The following USH2A variants were observed in gnomAD, a reference collection of about 807,000 sequenced individuals.
USH2A encodes Usher syndrome 2A (autosomal recessive, mild).
USH2A carries 443 observed loss-of-function variants against 538.9 expected under a neutral mutation model. The ratio of observed to expected loss-of-function variants is 0.82; its 90% CI spans 0.76 to 0.89. The LOEUF (loss-of-function observed/expected upper bound fraction) is 0.89, where lower values mean the gene tolerates loss of function less well. Ranked by LOEUF, USH2A falls within the 40% of genes least tolerant of loss-of-function variation. The pLI is 0.00. For missense variants in USH2A, 6,633 were observed against 6,324.8 expected (o/e 1.05, Z -1.65); for synonymous variants, 2,413 against 2,273.5 (o/e 1.06, Z -1.75).
intron 4 of USH2A, among the ~76,000 whole-genome samples, chr1:216,360,984 C>G (rs556220998): frequency 2.0e-5 from 3 of 152,046 alleles, no homozygotes; most frequent in South Asian, 4.1e-4. Context: ...AGTTGGAGAA[C>G]TACTAGATAT....
At chr1:216,296,357 G>C (rs1558371478) in intron 9 of USH2A, among the ~76,000 whole-genome samples, 1 of 151,940 alleles carries the variant, frequency 6.6e-6, no homozygotes, top group Admixed American at 6.6e-5. Flanking sequence ...TTTAGGCTAA[G>C]GTAGTTGTCC....
At chr1:215,728,897 G>A (rs12406638) in intron 60 of USH2A, among the ~76,000 whole-genome samples, 95,282 of 151,982 alleles carry the variant, frequency 0.63, 32,697 homozygotes, top group Non-Finnish European at 0.78. Context: ...AGTTATATCG[G>A]GGTTTTATTT....
At chr1:216,230,437 G>A (rs1475026759) in intron 14 of USH2A, among the ~76,000 whole-genome samples, 3 of 152,000 alleles carry the variant, frequency 2.0e-5, no homozygotes, top group African/African-American at 4.8e-5. Context: ...ACATTTCTAC[G>A]GTGATAGAAG....
chr1:216,246,470 A>G (rs1558341311), intron 13 of USH2A, 115 bp downstream of exon 13: 5 of 1,318,868 alleles, frequency 3.8e-6, no homozygotes, highest in Non-Finnish European at 5.4e-6. Flanking sequence ...TAAATACAGT[A>G]ATGATTTTGG....
At chr1:215,944,012 A>T (rs1666700421) in intron 37 of USH2A, among the ~76,000 whole-genome samples, 1 of 152,152 alleles carries the variant, frequency 6.6e-6, no homozygotes, top group Non-Finnish European at 1.5e-5. Context: ...TATTACATAG[A>T]TTTTTAAATT....
chr1:215,981,009 C>T (rs12131006), intron 35 of USH2A, among the ~76,000 whole-genome samples: 2,819 of 152,218 alleles, frequency 0.019, 41 homozygotes, highest in Non-Finnish European at 0.028. Context: ...CTAGACAATG[C>T]TCATCTCTTT....
intron 71 of USH2A, among the ~76,000 whole-genome samples, chr1:215,627,948 C>T (rs933263708): frequency 6.6e-6 from 1 of 152,096 alleles, no homozygotes; most frequent in Non-Finnish European, 1.5e-5. Flanking sequence ...ATTGTAGCCG[C>T]TCAGAGACTG....
chr1:216,332,251 C>T (rs1462278578), intron 4 of USH2A, among the ~76,000 whole-genome samples: 1 of 152,102 alleles, frequency 6.6e-6, no homozygotes, highest in Non-Finnish European at 1.5e-5. Context: ...ACTCAGAGTT[C>T]ATCCACTGGA....
At chr1:215,887,133 A>T (rs1287718108) in intron 41 of USH2A, among the ~76,000 whole-genome samples, 4 of 152,234 alleles carry the variant, frequency 2.6e-5, no homozygotes, top group Non-Finnish European at 5.9e-5. Context: ...CTGGGATTAC[A>T]GGCGTGAGCC....
intron 30 of USH2A, among the ~76,000 whole-genome samples, chr1:216,064,552 TA>T (rs1353190037): frequency 1.3e-5 from 2 of 151,986 alleles, no homozygotes; most frequent in Non-Finnish European, 2.9e-5. Flanking sequence ...AATGTTGAAT[TA>T]AAGGATGTTA....
intron 25 of USH2A, 41 bp downstream of exon 25, chr1:216,084,657 T>C (rs2032065001): frequency 3.1e-6 from 5 of 1,603,314 alleles, no homozygotes; most frequent in Non-Finnish European, 4.3e-6. Context: ...GGATAGAACA[T>C]AGATTTTAAG....
chr1:215,898,997 T>C (rs1665420938), intron 40 of USH2A, among the ~76,000 whole-genome samples: 1 of 152,156 alleles, frequency 6.6e-6, no homozygotes, highest in African/African-American at 2.4e-5. Flanking sequence ...TTGGAAGAAA[T>C]GAATTAAGTA....
chr1:215,965,469 C>G lies in USH2A; in HGVS notation c.6968G>C (p.Arg2323Pro), dbSNP rs772014718. The G allele has an allele frequency of 1.2e-6, 2 of 1,613,484 alleles. No individual in the cohort carries two copies. Among genetic ancestry groups the G allele is most frequent in the Non-Finnish European group, 1.7e-6 (2 of 1,179,684 alleles). ...GCALGPLVEN[R>P]TLEAPPEGTV... ...TCCTTCAGGAGGAGCTTCTAGAGTTCGATTTTCCACCTGTGAGTATAAAAA... is the reference window on the plus strand; with the variant it reads ...TCCTTCAGGAGGAGCTTCTAGAGTTGGATTTTCCACCTGTGAGTATAAAAA... Residue 2323 changes from arginine to proline, a missense_variant, in exon 37 of 72, where the codon CGA (arginine) becomes CCA (proline). Transcript: ENST00000307340.
At chr1:215,874,589 T>C (rs1643528156) in intron 43 of USH2A, among the ~76,000 whole-genome samples, 2 of 152,186 alleles carry the variant, frequency 1.3e-5, no homozygotes, top group Non-Finnish European at 1.5e-5. Context: ...TTAGCCAAAA[T>C]AGACCACTTG....
At chr1:216,174,923 T>C in intron 21 of USH2A, 1 of 1,146,648 alleles carries the variant, frequency 8.7e-7, no homozygotes, top group Non-Finnish European at 1.1e-6. Flanking sequence ...CAAACTCATT[T>C]GCTCAGAGAA....
chr1:216,420,060 C>A (rs1193080448), intron 2 of USH2A, among the ~76,000 whole-genome samples: 1 of 152,168 alleles, frequency 6.6e-6, no homozygotes, highest in Non-Finnish European at 1.5e-5. Context: ...TATATAAATT[C>A]TACTGCAAAT....
chr1:216,129,828 C>A (rs2102601308), intron 21 of USH2A, among the ~76,000 whole-genome samples: 1 of 152,064 alleles, frequency 6.6e-6, no homozygotes, highest in Middle Eastern at 3.4e-3. Context: ...CTATAGTAAC[C>A]AAAACAACAT....
At chr1:215,731,877 G>A (rs1296877542) in intron 60 of USH2A, among the ~76,000 whole-genome samples, 1 of 152,190 alleles carries the variant, frequency 6.6e-6, no homozygotes, top group African/African-American at 2.4e-5. Context: ...TGTAGTCAGA[G>A]GAGATAGGTT....
chr1:215,821,934 A>C (rs951431443), intron 47 of USH2A, among the ~76,000 whole-genome samples: 1 of 151,808 alleles, frequency 6.6e-6, no homozygotes, highest in African/African-American at 2.4e-5. Flanking sequence ...TTGTCTGTAA[A>C]TGCATGGATT....
Sources: gnomAD v4.1 joint callset for allele counts (sites outside exome capture counted in the v4.1 genomes callset) on GRCh38, gnomAD v4.1.1 for gene constraint, MANE v1.5 for transcripts, NCBI Gene and HGNC (gene_info 2026-07-23, HGNC 2026-07-21) for gene names.